GRM7: variants seen among roughly 807,000 people sequenced by gnomAD.
GRM7 encodes metabotropic glutamate receptor 7.
A neutral mutation model predicts 84.5 loss-of-function variants in GRM7; 35 were observed. The ratio of observed to expected loss-of-function variants is 0.41; its 90% CI spans 0.32 to 0.55. The LOEUF is 0.55. Among genes scored for constraint, GRM7 ranks in the 20% least tolerant of loss-of-function variants. The pLI is 0.19. For synonymous variants in GRM7, 487 were observed against 455.1 expected (o/e 1.07, Z -0.89); for missense variants, 1,003 against 1,194.6 (o/e 0.84, Z 2.36).
At chr3:7,323,634 T>A (rs906071921) in intron 4 of GRM7, among the ~76,000 whole-genome samples, 1 of 152,222 alleles carries the variant, frequency 6.6e-6, no homozygotes, top group Non-Finnish European at 1.5e-5. Context: ...CTTCTTATAC[T>A]CTTTTCTTTG....
chr3:7,317,318 T>C (rs1216465077), intron 4 of GRM7, among the ~76,000 whole-genome samples: 1 of 152,108 alleles, frequency 6.6e-6, no homozygotes, highest in African/African-American at 2.4e-5. Flanking sequence ...TATAGTCATA[T>C]AGAACTTTTG....
intron 2 of GRM7, among the ~76,000 whole-genome samples, chr3:7,156,976 T>G (rs1175838122): frequency 6.6e-6 from 1 of 151,992 alleles, no homozygotes; most frequent in Non-Finnish European, 1.5e-5. Flanking sequence ...AAATCAGAAT[T>G]CTTTGAAAGA....
intron 1 of GRM7, among the ~76,000 whole-genome samples, chr3:7,033,159 G>A (rs935857455): frequency 7.9e-5 from 12 of 151,928 alleles, no homozygotes; most frequent in African/African-American, 2.2e-4. Flanking sequence ...CTGTCTTCAC[G>A]TCACTTTCAC....
intron 2 of GRM7, among the ~76,000 whole-genome samples, chr3:7,173,887 A>AT: frequency 6.6e-6 from 1 of 152,256 alleles, no homozygotes; most frequent in South Asian, 2.1e-4. Context: ...CCATTAAGAC[A>AT]TTTTTTATTT....
intron 1 of GRM7, among the ~76,000 whole-genome samples, chr3:6,968,530 T>C (rs1480892683): frequency 6.6e-6 from 1 of 152,212 alleles, no homozygotes; most frequent in Non-Finnish European, 1.5e-5. Flanking sequence ...GAGAATGAAG[T>C]GGGATCATTT....
chr3:7,217,127 T>TA (rs1483282810), intron 2 of GRM7, among the ~76,000 whole-genome samples: 20 of 152,148 alleles, frequency 1.3e-4, no homozygotes, highest in African/African-American at 2.2e-4. Flanking sequence ...CCTTTTTTAA[T>TA]AAAAAAGGAG....
At chr3:6,897,156 CA>C (rs1696213156) in intron 1 of GRM7, among the ~76,000 whole-genome samples, 1 of 152,136 alleles carries the variant, frequency 6.6e-6, no homozygotes, top group Non-Finnish European at 1.5e-5. Context: ...GCTGGGAAAT[CA>C]GCTGGAAATG....
intron 7 of GRM7, among the ~76,000 whole-genome samples, chr3:7,464,349 T>C (rs907503085): frequency 6.6e-6 from 1 of 152,164 alleles, no homozygotes; most frequent in South Asian, 2.1e-4. Flanking sequence ...ATTGGGATTA[T>C]TATATATGTG....
intron 1 of GRM7, among the ~76,000 whole-genome samples, chr3:6,967,818 G>A (rs1188516012): frequency 6.6e-6 from 1 of 152,172 alleles, no homozygotes; most frequent in East Asian, 1.9e-4. Flanking sequence ...ATTTCATACA[G>A]TGGTTCTCAA....
At chr3:7,357,505 GGTT>G (rs1393196375) in intron 4 of GRM7, among the ~76,000 whole-genome samples, 1 of 151,948 alleles carries the variant, frequency 6.6e-6, no homozygotes, top group East Asian at 1.9e-4. Context: ...TTTTCCTCTA[GGTT>G]GTTATAAAAA....
intron 2 of GRM7, among the ~76,000 whole-genome samples, chr3:7,269,715 G>A (rs1698783323): frequency 2.0e-5 from 3 of 152,050 alleles, no homozygotes. Context: ...TGCTGGGTAA[G>A]GAAGACAGGA....
intron 1 of GRM7, among the ~76,000 whole-genome samples, chr3:7,140,910 C>A (rs879472202): frequency 2.9e-4 from 44 of 151,800 alleles, no homozygotes; most frequent in Non-Finnish European, 5.5e-4. Flanking sequence ...TCTAGGAGTT[C>A]CCTTTCAATT....
At chr3:7,615,665 A>G (rs529415517) in intron 8 of GRM7, among the ~76,000 whole-genome samples, 1 of 152,150 alleles carries the variant, frequency 6.6e-6, no homozygotes, top group African/African-American at 2.4e-5. Context: ...TGAGGTTTCA[A>G]ACCAAAGCCT....
chr3:7,326,357 TC>T (rs1013807766), intron 4 of GRM7, among the ~76,000 whole-genome samples: 8 of 152,136 alleles, frequency 5.3e-5, no homozygotes, highest in Admixed American at 5.2e-4. Context: ...ACTTTTATGT[TC>T]TTTTAAACTG....
Position 7,282,900 on chromosome 3 carries a change from C to T in GRM7, c.737-15784C>T, listed in dbSNP as rs560224409. The stretch of plus-strand genomic sequence containing the variant: ...GTGGACCAGAGGAATTTACATTTAT[C>T]CTTTCCATTCTATCCAAGGATTAAC... On this transcript the variant is annotated intron_variant, in intron 2 of 9. Transcript: ENST00000357716. Among the ~76,000 whole-genome samples, 2 of 152,270 alleles carry T rather than the reference C, an allele frequency of 1.3e-5. 1 individual carries two copies. Among genetic ancestry groups the T allele is most frequent in the South Asian group, 4.2e-4 (2 of 4,816 alleles).
chr3:7,626,403 G>C (rs1035994505), intron 8 of GRM7, among the ~76,000 whole-genome samples: 1 of 152,192 alleles, frequency 6.6e-6, no homozygotes, highest in Non-Finnish European at 1.5e-5. Context: ...CCTCTCTAAA[G>C]ACTGTATTCA....
At chr3:7,103,606 T>C (rs563177885) in intron 1 of GRM7, among the ~76,000 whole-genome samples, 7 of 151,948 alleles carry the variant, frequency 4.6e-5, no homozygotes, top group African/African-American at 1.7e-4. Flanking sequence ...CTTATGTTTG[T>C]CTAACAGCTT....
Position 7,303,184 on chromosome 3 carries a change from C to G in GRM7, c.879-3314C>G, listed in dbSNP as rs966791562. Among the ~76,000 whole-genome samples, 8 of 152,238 alleles carry G rather than the reference C, an allele frequency of 5.3e-5. No individual in the cohort carries two copies. The South Asian group carries it at 1.7e-3, about 32-fold the overall frequency. The stretch of plus-strand genomic sequence containing the variant: ...CTTGATCTCCTGACCTTGTGATCCA[C>G]CTGCCTTGGCCTCCCCAAGTACTGG... On this transcript the variant is annotated intron_variant, in intron 3 of 9. Coordinates refer to ENST00000357716, the MANE Select transcript of GRM7 (RefSeq NM_000844.4).
intron 8 of GRM7, among the ~76,000 whole-genome samples, chr3:7,616,332 A>T (rs780212598): frequency 1.3e-5 from 2 of 152,182 alleles, no homozygotes; most frequent in Non-Finnish European, 2.9e-5. Context: ...TTTCAAGTGC[A>T]TAAATCTATG....
Sources: gnomAD v4.1 joint callset for allele counts (sites outside exome capture counted in the v4.1 genomes callset) on GRCh38, gnomAD v4.1.1 for gene constraint, MANE v1.5 for transcripts, NCBI Gene and HGNC (gene_info 2026-07-23, HGNC 2026-07-21) for gene names.